Variants in ADGRB3 observed in about 807,000 individuals in gnomAD.
ADGRB3 encodes the protein brain-specific angiogenesis inhibitor 3.
In ADGRB3, 37 loss-of-function variants were observed where a neutral mutation model predicts 193.4. The ratio of observed to expected loss-of-function variants is 0.19; its 90% CI spans 0.15 to 0.25. The LOEUF (loss-of-function observed/expected upper bound fraction) is 0.25, where lower values mean the gene tolerates loss of function less well. Among genes scored for constraint, ADGRB3 ranks in the 10% least tolerant of loss-of-function variants. The pLI is 1.00. For missense variants in ADGRB3, 1,637 were observed against 1,852.9 expected, an observed-to-expected ratio of 0.88 and a Z score of 2.14; for synonymous variants, 690 against 644.2, an observed-to-expected ratio of 1.07 and a Z score of -1.08.
At chr6:69,042,497 A>G (rs1350659928) in intron 13 of ADGRB3, among the ~76,000 whole-genome samples, 1 of 152,188 alleles carries the variant, frequency 6.6e-6, no homozygotes, top group African/African-American at 2.4e-5. Flanking sequence ...TAGCATTGCT[A>G]TGTAAATATA....
At chr6:68,895,049 G>A (rs1225323916) in intron 3 of ADGRB3, among the ~76,000 whole-genome samples, 1 of 151,668 alleles carries the variant, frequency 6.6e-6, no homozygotes, top group African/African-American at 2.4e-5. Flanking sequence ...TTATTAAGTG[G>A]TATTAAATAT....
chr6:69,296,254 T>A (rs866610141), intron 20 of ADGRB3, among the ~76,000 whole-genome samples: 3 of 152,152 alleles, frequency 2.0e-5, no homozygotes, highest in Admixed American at 6.6e-5. Context: ...AGTATGAATT[T>A]CAAGGAGTTA....
In ADGRB3 at chr6:69,040,675, C is replaced by CAAAAAAAAAAAAAAAAAAA. The variant is rs869146684; in HGVS notation, c.2108-7494_2108-7476dup. Among the ~76,000 whole-genome samples, 7 of 19,526 alleles carry CAAAAAAAAAAAAAAAAAAA rather than the reference C, an allele frequency of 3.6e-4. 1 individual carries two copies. The highest frequency in any genetic ancestry group is 1.2e-3 in the East Asian group (1 of 802). 12.8% of individuals were successfully genotyped at this position (19,526 alleles called of 152,430 possible). A position where few individuals can be genotyped will look rare whatever the true frequency, so the allele number is the denominator to read the frequency against. On this transcript the variant is annotated intron_variant, in intron 13 of 31. Transcript: ENST00000370598. ...CCCAGGCTTTGAAATGACTGATGGA[C>CAAAAAAAAAAAAAAAAAAA]AAAAAAAAAAAAAAAAAAAAAAAAA... is the stretch of plus-strand genomic sequence containing the variant.
chr6:69,339,237 G>A, intron 25 of ADGRB3, 96 bp from the exon 26 acceptor site: 2 of 1,441,790 alleles, frequency 1.4e-6, no homozygotes, highest in Non-Finnish European at 9.4e-7. Flanking sequence ...TAATGGTCTT[G>A]GAACCACATA....
chr6:69,266,752 T>A (rs1767049865), intron 20 of ADGRB3, among the ~76,000 whole-genome samples: 1 of 151,988 alleles, frequency 6.6e-6, no homozygotes, highest in African/African-American at 2.4e-5. Flanking sequence ...AAGAAAATGA[T>A]GTTTATTTGG....
intron 17 of ADGRB3, among the ~76,000 whole-genome samples, chr6:69,190,571 T>C (rs1327196983): frequency 6.6e-6 from 1 of 152,040 alleles, no homozygotes; most frequent in African/African-American, 2.4e-5. Context: ...TGTAACAAAG[T>C]AAGGTTAATT....
At chr6:68,913,035 G>A (rs1164964394) in intron 3 of ADGRB3, among the ~76,000 whole-genome samples, 1 of 152,194 alleles carries the variant, frequency 6.6e-6, no homozygotes, top group Non-Finnish European at 1.5e-5. Context: ...GCCCAGGCTT[G>A]CTTAGGTAAA....
intron 3 of ADGRB3, among the ~76,000 whole-genome samples, chr6:68,871,114 A>G (rs1432048437): frequency 4.6e-5 from 7 of 152,210 alleles, no homozygotes; most frequent in Admixed American, 1.3e-4. Flanking sequence ...CAGTCCCAGC[A>G]TATAAAAGAT....
intron 20 of ADGRB3, among the ~76,000 whole-genome samples, chr6:69,319,866 T>C (rs1244091423): frequency 6.6e-6 from 1 of 151,534 alleles, no homozygotes. Flanking sequence ...TTTCATCCAA[T>C]ATGAAAGTTT....
intron 3 of ADGRB3, among the ~76,000 whole-genome samples, chr6:68,802,187 T>C (rs569151750): frequency 1.3e-3 from 181 of 135,584 alleles, no homozygotes; most frequent in Non-Finnish European, 2.0e-3. Flanking sequence ...CATATGCGTG[T>C]GTGTGTGTGT....
intron 17 of ADGRB3, among the ~76,000 whole-genome samples, chr6:69,135,389 A>G (rs942476254): frequency 1.3e-5 from 2 of 151,868 alleles, no homozygotes; most frequent in African/African-American, 2.4e-5. Flanking sequence ...AATAGAGTCC[A>G]TTAAGATGTC....
At chr6:68,672,347 A>G (rs570406209) in intron 3 of ADGRB3, among the ~76,000 whole-genome samples, 2 of 151,328 alleles carry the variant, frequency 1.3e-5, no homozygotes. Flanking sequence ...TTTTTAATGC[A>G]TCACTAACCG....
At chr6:69,131,113 TAA>T (rs1476757279) in intron 17 of ADGRB3, among the ~76,000 whole-genome samples, 2 of 152,104 alleles carry the variant, frequency 1.3e-5, no homozygotes, top group African/African-American at 4.8e-5. Flanking sequence ...AAATCTAGTA[TAA>T]GTTAGCTTGA....
At position 68,978,412 on chromosome 6, in the gene ADGRB3, G is replaced by A. The variant is rs1028112141; in HGVS notation, c.1734+3072G>A. Among the ~76,000 whole-genome samples, 5 of 151,440 alleles carry A rather than the reference G, an allele frequency of 3.3e-5. No homozygotes were observed. The Admixed American group carries it at 3.3e-4, about 10-fold the overall frequency. On this transcript the variant is annotated intron_variant, in intron 10 of 31. Transcript: ENST00000370598. ...GCATATATTTTGGCATATGAATTATGCTTAAATACATGTATGAAATATACA... is the reference window on the plus strand; with the variant it reads ...GCATATATTTTGGCATATGAATTATACTTAAATACATGTATGAAATATACA...
chr6:69,341,950 T>C (rs770028810), intron 26 of ADGRB3, among the ~76,000 whole-genome samples: 16 of 152,174 alleles, frequency 1.1e-4, no homozygotes, highest in Non-Finnish European at 1.8e-4. Flanking sequence ...ATAAGCTTGA[T>C]AGATAGTTTT....
At chr6:68,789,735 T>A (rs964566793) in intron 3 of ADGRB3, among the ~76,000 whole-genome samples, 1 of 152,182 alleles carries the variant, frequency 6.6e-6, no homozygotes, top group African/African-American at 2.4e-5. Flanking sequence ...CTGGATAATA[T>A]CCTGCAGAGT....
chr6:68,735,173 A>G (rs1765847776), intron 3 of ADGRB3, among the ~76,000 whole-genome samples: 1 of 152,042 alleles, frequency 6.6e-6, no homozygotes, highest in Non-Finnish European at 1.5e-5. Flanking sequence ...AGTCAATGAC[A>G]TAAGCATGAT....
chr6:69,360,912 A>C lies in ADGRB3; in HGVS notation c.3639A>C (p.Thr1213=), dbSNP rs866924905. ...GTCCTTGCCGAGCAGCCACAATAAC[A>C]GGAACACTTTCTAGGATTTCTCTAA... is the stretch of plus-strand genomic sequence containing the variant. ...DIGPCRAATI[T]GTLSRISLND... Residue 1213 remains threonine (T), a synonymous_variant, in exon 29 of 32, where the codon ACA becomes ACC. Coordinates refer to ENST00000370598, the MANE Select transcript of ADGRB3 (RefSeq NM_001704.3). 8 of 1,611,936 alleles carry C rather than the reference A, an allele frequency of 5.0e-6. No homozygotes were observed. In the Middle Eastern group the frequency reaches 1.3e-3, roughly 267 times the overall value.
intron 20 of ADGRB3, among the ~76,000 whole-genome samples, chr6:69,322,795 T>C (rs139515079): frequency 4.6e-4 from 70 of 152,094 alleles, no homozygotes; most frequent in African/African-American, 1.6e-3. Context: ...ATTCCTTAAG[T>C]TGAGATAGCT....
Sources: allele counts gnomAD v4.1 joint callset (sites outside exome capture counted in the v4.1 genomes callset), GRCh38; gene constraint gnomAD v4.1.1; transcripts MANE v1.5; gene names NCBI Gene and HGNC (gene_info 2026-07-23, HGNC 2026-07-21).